The following MAST2 variants were observed in gnomAD, a reference collection of about 807,000 sequenced individuals.
MAST2 encodes the protein microtubule-associated serine/threonine-protein kinase 2.
MAST2 carries 70 observed loss-of-function variants against 147.4 expected under a neutral mutation model. The ratio of observed to expected loss-of-function variants is 0.47; its 90% CI spans 0.39 to 0.58. MAST2 has a LOEUF of 0.58. Among genes scored for constraint, MAST2 ranks in the 20% least tolerant of loss-of-function variants. The pLI, the probability that MAST2 is intolerant of heterozygous loss-of-function variation, is 0.00. For missense variants in MAST2, 2,080 were observed against 2,302.3 expected (o/e 0.90, Z 1.98); for synonymous variants, 869 against 896.8 (o/e 0.97, Z 0.55).
At chr1:45,986,470 C>T (rs1320042109) in intron 5 of MAST2, among the ~76,000 whole-genome samples, 1 of 152,104 alleles carries the variant, frequency 6.6e-6, no homozygotes, top group Non-Finnish European at 1.5e-5. Flanking sequence ...AATCCCAGCA[C>T]TTTGGGAGGC....
At chr1:45,855,550 G>A (rs1277773268) in intron 3 of MAST2, among the ~76,000 whole-genome samples, 1 of 151,998 alleles carries the variant, frequency 6.6e-6, no homozygotes, top group African/African-American at 2.4e-5. Flanking sequence ...TTTATTTCAA[G>A]TGGGGTTGAA....
chr1:45,944,292 CAA>C (rs1271486192), intron 4 of MAST2, among the ~76,000 whole-genome samples: 2 of 152,168 alleles, frequency 1.3e-5, no homozygotes. Flanking sequence ...GACATAATTT[CAA>C]AAGTCTGTTA....
chr1:45,964,954 T>C (rs1035266658), intron 5 of MAST2, among the ~76,000 whole-genome samples: 2 of 152,228 alleles, frequency 1.3e-5, no homozygotes, highest in Non-Finnish European at 2.9e-5. Flanking sequence ...ACATCTTTAT[T>C]TCTGCCTTCA....
chr1:46,029,176 CCTGT>C (rs1268350039), intron 18 of MAST2: 12 of 550,704 alleles, frequency 2.2e-5, no homozygotes, highest in Non-Finnish European at 3.5e-5. Flanking sequence ...CCTGGGTGTT[CCTGT>C]CTGTGTATGT....
At chr1:45,817,548 C>T (rs1016922811) in intron 1 of MAST2, among the ~76,000 whole-genome samples, 22 of 152,152 alleles carry the variant, frequency 1.4e-4, no homozygotes, top group Non-Finnish European at 2.6e-4. Context: ...ATTTCATCAA[C>T]ACCAGACCTG....
chr1:45,868,569 A>G (rs937848777), intron 3 of MAST2, among the ~76,000 whole-genome samples: 1 of 152,078 alleles, frequency 6.6e-6, no homozygotes, highest in Non-Finnish European at 1.5e-5. Context: ...GCTGTTCAAA[A>G]ACGAGAGTAC....
At chr1:45,963,689 C>A (rs984330748) in intron 5 of MAST2, among the ~76,000 whole-genome samples, 3 of 152,192 alleles carry the variant, frequency 2.0e-5, no homozygotes, top group African/African-American at 4.8e-5. Flanking sequence ...TCTAGATATA[C>A]AATCATGTCA....
chr1:45,940,165 GTAT>G (rs1316299835), intron 4 of MAST2, among the ~76,000 whole-genome samples: 1 of 151,102 alleles, frequency 6.6e-6, no homozygotes, highest in Non-Finnish European at 1.5e-5. Flanking sequence ...GCTAATTTTT[GTAT>G]TTTTAGTAGA....
chr1:45,894,873 A>T (rs779423830), intron 4 of MAST2, among the ~76,000 whole-genome samples: 40 of 152,210 alleles, frequency 2.6e-4, no homozygotes, highest in Non-Finnish European at 5.6e-4. Flanking sequence ...ATGAATCAGT[A>T]AGTGTTTTTT....
At chr1:45,884,108 G>T (rs898142472) in intron 4 of MAST2, among the ~76,000 whole-genome samples, 51 of 151,520 alleles carry the variant, frequency 3.4e-4, no homozygotes, top group African/African-American at 1.2e-3. Context: ...ATAATTTTTT[G>T]GTCATTTTAG....
intron 3 of MAST2, among the ~76,000 whole-genome samples, chr1:45,880,466 C>T (rs1035995024): frequency 6.6e-6 from 1 of 151,960 alleles, no homozygotes; most frequent in African/African-American, 2.4e-5. Flanking sequence ...TGGACATGTT[C>T]TATATTTTGA....
At chr1:45,930,734 C>T (rs72893143) in intron 4 of MAST2, among the ~76,000 whole-genome samples, 1 of 152,150 alleles carries the variant, frequency 6.6e-6, no homozygotes, top group African/African-American at 2.4e-5. Flanking sequence ...CTTTTCACCC[C>T]CCAAACCAGG....
chr1:45,968,979 A>G (rs552770115), intron 5 of MAST2, among the ~76,000 whole-genome samples: 2 of 151,520 alleles, frequency 1.3e-5, no homozygotes, highest in East Asian at 1.9e-4. Flanking sequence ...TGTTCAGTCT[A>G]TTAATGAGCC....
intron 3 of MAST2, among the ~76,000 whole-genome samples, chr1:45,867,553 C>T (rs1254159183): frequency 6.6e-6 from 1 of 151,754 alleles, no homozygotes; most frequent in Non-Finnish European, 1.5e-5. Flanking sequence ...CATTTCTGTA[C>T]TCCACTGGTA....
intron 10 of MAST2, among the ~76,000 whole-genome samples, chr1:46,012,292 G>A (rs897926674): frequency 6.6e-6 from 1 of 152,168 alleles, no homozygotes; most frequent in Admixed American, 6.5e-5. Context: ...GCTAAAGTCA[G>A]AGCCTTGCCC....
rs991951822 is a variant in MAST2 at position 45,884,048 on chromosome 1, G to A, written c.500+1653G>A. ...ATGTGTGTCCTCAATGAATGGAGTT[G>A]CTGGGAAGAAGGAGAAGGAGGAGTA... On this transcript the variant is annotated intron_variant, in intron 4 of 28. Transcript: ENST00000361297. Among the ~76,000 whole-genome samples the A allele has an allele frequency of 2.5e-5, 3 of 122,314 alleles. No homozygotes were observed. In the South Asian group the frequency reaches 8.1e-4, roughly 33 times the overall value. 80.2% of individuals were successfully genotyped at this position (122,314 alleles called of 152,430 possible).
At position 45,866,171 on chromosome 1, in the gene MAST2, A is replaced by T. The variant is rs188418780; in HGVS notation, c.469-16193A>T. Among the ~76,000 whole-genome samples, 78 of 152,328 alleles carry T rather than the reference A, an allele frequency of 5.1e-4. 2 individuals carry two copies. The highest frequency in any genetic ancestry group is 1.9e-3 in the African/African-American group (77 of 41,584). Reference sequence around the variant, plus strand: ...TGTATTGTTTCTAGTTATTATATGTACTTCTTATTGATGGTGCTGTAAACA... The same window carrying T: ...TGTATTGTTTCTAGTTATTATATGTTCTTCTTATTGATGGTGCTGTAAACA... On this transcript the variant is annotated intron_variant, in intron 3 of 28. Transcript: ENST00000361297.
At chr1:45,851,266 C>G (rs1021968121) in intron 3 of MAST2, among the ~76,000 whole-genome samples, 1 of 151,990 alleles carries the variant, frequency 6.6e-6, no homozygotes, top group African/African-American at 2.4e-5. Flanking sequence ...TTACTTGGCT[C>G]TCAGCTTGAA....
intron 4 of MAST2, among the ~76,000 whole-genome samples, chr1:45,930,010 T>G (rs1260980583): frequency 1.3e-5 from 2 of 152,206 alleles, no homozygotes; most frequent in Non-Finnish European, 2.9e-5. Flanking sequence ...AGCTTTTGAA[T>G]TTTTGCTAAT....
Sources: gnomAD v4.1 joint callset for allele counts (sites outside exome capture counted in the v4.1 genomes callset) on GRCh38, gnomAD v4.1.1 for gene constraint, MANE v1.5 for transcripts, NCBI Gene and HGNC (gene_info 2026-07-23, HGNC 2026-07-21) for gene names.